The following NCBP3 variants were observed in gnomAD, a reference collection of about 807,000 sequenced individuals.
NCBP3 encodes the protein nuclear cap binding subunit 3.
A neutral mutation model predicts 75.7 loss-of-function variants in NCBP3; 20 were observed. The ratio of observed to expected loss-of-function variants is 0.26; its 90% CI spans 0.19 to 0.38. The LOEUF (loss-of-function observed/expected upper bound fraction) is 0.38, where lower values mean the gene tolerates loss of function less well. NCBP3 is among the 10% of genes least tolerant of loss of function. NCBP3 has a pLI of 1.00. For synonymous variants in NCBP3, 293 were observed against 290.5 expected (o/e 1.01, Z -0.09); for missense variants, 678 against 796.9 (o/e 0.85, Z 1.80).
At chr17:3,834,540 C>T (rs1301246693) in intron 3 of NCBP3, among the ~76,000 whole-genome samples, 2 of 152,182 alleles carry the variant, frequency 1.3e-5, no homozygotes, top group African/African-American at 4.8e-5. Context: ...CTTTGGAAGG[C>T]CGAGGCGGGC....
intron 3 of NCBP3, among the ~76,000 whole-genome samples, chr17:3,837,490 A>G (rs890521392): frequency 3.3e-5 from 3 of 91,622 alleles, no homozygotes; most frequent in East Asian, 2.4e-4. Flanking sequence ...GAAAGAGAGG[A>G]AAAAAAAAAT....
rs1484784057 is a variant in NCBP3 at position 3,807,157 on chromosome 17, A to G, written c.*5887T>C. ...GCTCTGCTCTTTTCACCTGCTCTGG[A>G]CTGCTCTCACTTTCCTCACCGACAG... is the stretch of plus-strand genomic sequence containing the variant. On this transcript the variant is annotated 3_prime_UTR_variant, in exon 13 of 13. Coordinates refer to ENST00000389005, the MANE Select transcript of NCBP3 (RefSeq NM_001114118.3). 1.3e-5 allele frequency: 2 copies of G among 152,232 alleles called. No individual in the cohort carries two copies. The highest frequency in any genetic ancestry group is 2.9e-5 in the Non-Finnish European group (2 of 68,046). The allele number at this position is 152,232 out of a possible 1,614,324, so 9.4% of individuals were successfully genotyped here. A position where few individuals can be genotyped will look rare whatever the true frequency, so the allele number is the denominator to read the frequency against.
At chr17:3,823,505 C>G (rs1194814774) in intron 7 of NCBP3, among the ~76,000 whole-genome samples, 1 of 152,162 alleles carries the variant, frequency 6.6e-6, no homozygotes, top group Non-Finnish European at 1.5e-5. Context: ...ATGACATAGT[C>G]AGAAAGGCAT....
At chr17:3,837,746 A>AG (rs1222506032) in intron 3 of NCBP3, among the ~76,000 whole-genome samples, 4 of 151,504 alleles carry the variant, frequency 2.6e-5, no homozygotes, top group Non-Finnish European at 4.4e-5. Context: ...AAAAAAAAAA[A>AG]AAAAGAAAAG....
intron 3 of NCBP3, 60 bp downstream of exon 3, chr17:3,840,040 G>T: frequency 7.5e-7 from 1 of 1,326,712 alleles, no homozygotes; most frequent in Non-Finnish European, 1.1e-6. Context: ...ATGAGGTGAT[G>T]GCAGGGAAAA....
intron 4 of NCBP3, 106 bp from the exon 5 acceptor site, chr17:3,826,321 T>C (rs2053782781): frequency 9.2e-7 from 1 of 1,089,654 alleles, no homozygotes. Flanking sequence ...TAGCAACAGA[T>C]TATCATCAGT....
chr17:3,829,170 C>T, intron 4 of NCBP3, 73 bp downstream of exon 4: 14 of 1,502,686 alleles, frequency 9.3e-6, no homozygotes, highest in Non-Finnish European at 1.3e-5. Flanking sequence ...GAACCATTCA[C>T]CATCTCTGAT....
Position 3,846,045 on chromosome 17 carries a change from A to T in NCBP3, c.179T>A (p.Ile60Asn). Reference sequence around the variant, plus strand: ...CCCCCCGACCCCCGCCCGTACCGGGATCAGTTCCTTGAGCGAGCGCCGCAC... The same window carrying T: ...CCCCCCGACCCCCGCCCGTACCGGGTTCAGTTCCTTGAGCGAGCGCCGCAC... ...VPVRRSLKEL[I>N]PDTSRRYENK... The change falls in exon 1 of 13, where the codon ATC becomes AAC. Residue 60 changes from isoleucine (I) to asparagine (N), a missense_variant. Ile to Asn is a moderately radical substitution (Grantham distance 149). Coordinates refer to ENST00000389005, the MANE Select transcript of NCBP3 (RefSeq NM_001114118.3). This position sits in a 1 kb window ranked among gnomAD's most constrained non-coding sequence, Gnocchi z 4.6. 2.6e-6 allele frequency: 4 copies of T among 1,546,620 alleles called. No individual in the cohort carries two copies. Among genetic ancestry groups the T allele is most frequent in the Non-Finnish European group, 3.5e-6 (4 of 1,144,896 alleles).
At chr17:3,845,506 G>T (rs911389686) in intron 1 of NCBP3, among the ~76,000 whole-genome samples, 1 of 152,092 alleles carries the variant, frequency 6.6e-6, no homozygotes, top group Non-Finnish European at 1.5e-5. Context: ...TGGAGCTGCG[G>T]GGGGGGCAAG....
At chr17:3,833,735 T>C (rs1597409545) in intron 3 of NCBP3, among the ~76,000 whole-genome samples, 1 of 152,320 alleles carries the variant, frequency 6.6e-6, no homozygotes, top group African/African-American at 2.4e-5. Flanking sequence ...TGTATGTAGG[T>C]TTTTTTAATG....
At chr17:3,832,444 C>G (rs1244378689) in intron 3 of NCBP3, among the ~76,000 whole-genome samples, 1 of 117,684 alleles carries the variant, frequency 8.5e-6, no homozygotes, top group Non-Finnish European at 2.0e-5. Context: ...TCCTGGCCAA[C>G]ACGGTGAAAC....
Position 3,808,208 on chromosome 17 carries a change from C to T in NCBP3, c.*4836G>A, listed in dbSNP as rs1334311469. 3.3e-5 allele frequency: 5 copies of T among 152,146 alleles called. No individual in the cohort carries two copies. Among genetic ancestry groups the T allele is most frequent in the Non-Finnish European group, 7.4e-5 (5 of 68,014 alleles). 9.4% of individuals were successfully genotyped at this position (152,146 alleles called of 1,614,324 possible). On this transcript the variant is annotated 3_prime_UTR_variant, in exon 13 of 13. Coordinates refer to ENST00000389005, the MANE Select transcript of NCBP3 (RefSeq NM_001114118.3). ...ACAAGTGATTTTTGCACAACACAGCCCTAACTGCAGGCCAATCACTTCACC... is the reference window on the plus strand; with the variant it reads ...ACAAGTGATTTTTGCACAACACAGCTCTAACTGCAGGCCAATCACTTCACC...
At chr17:3,840,282 A>T in intron 2 of NCBP3, 77 bp from the exon 3 acceptor site, 1 of 1,150,654 alleles carries the variant, frequency 8.7e-7, no homozygotes, top group Non-Finnish European at 1.3e-6. Flanking sequence ...ATGATGCATC[A>T]GTGACAAACC....
intron 1 of NCBP3, among the ~76,000 whole-genome samples, chr17:3,844,404 CT>C (rs111489718): frequency 0.036 from 5,491 of 152,232 alleles, 94 homozygotes; most frequent in East Asian, 0.045. Flanking sequence ...AGCCTCTGTG[CT>C]TGTTACTGGC....
intron 12 of NCBP3, among the ~76,000 whole-genome samples, chr17:3,813,927 T>C (rs2053475084): frequency 6.6e-6 from 1 of 152,074 alleles, no homozygotes; most frequent in Admixed American, 6.6e-5. Flanking sequence ...GCCTCCCAAA[T>C]TGCTGGGATT....
chr17:3,802,337 C>T lies in NCBP3; in HGVS notation c.*10707G>A, dbSNP rs550005255. The T allele has an allele frequency of 1.3e-5, 2 of 152,108 alleles. No individual in the cohort carries two copies. Among genetic ancestry groups the T allele is most frequent in the East Asian group, 1.9e-4 (1 of 5,180 alleles). 9.4% of individuals were successfully genotyped at this position (152,108 alleles called of 1,614,324 possible). ...TAAAAATCCATGTTATTTTGTTTCTCGCATTGAAAGGCTGCTTGGCTAAGG... is the reference window on the plus strand; with the variant it reads ...TAAAAATCCATGTTATTTTGTTTCTTGCATTGAAAGGCTGCTTGGCTAAGG... On this transcript the variant is annotated 3_prime_UTR_variant, in exon 13 of 13. Coordinates refer to ENST00000389005, the MANE Select transcript of NCBP3 (RefSeq NM_001114118.3).
chr17:3,817,669 A>C (rs549662537), intron 10 of NCBP3, among the ~76,000 whole-genome samples: 1 of 152,324 alleles, frequency 6.6e-6, no homozygotes, highest in African/African-American at 2.4e-5. Flanking sequence ...TTCTGGAAAA[A>C]AATAAAGCAA....
chr17:3,827,153 T>C (rs2053803675), intron 4 of NCBP3, among the ~76,000 whole-genome samples: 1 of 152,072 alleles, frequency 6.6e-6, no homozygotes, highest in Admixed American at 6.6e-5. Context: ...GTAAAATCTC[T>C]CTGATGAAAT....
At chr17:3,821,853 C>T in intron 8 of NCBP3, 100 bp downstream of exon 8, 1 of 727,754 alleles carries the variant, frequency 1.4e-6, no homozygotes, top group East Asian at 2.5e-5. Flanking sequence ...CTCTTGTTTT[C>T]CTTCCAGTTT....
Sources: allele counts gnomAD v4.1 joint callset (sites outside exome capture counted in the v4.1 genomes callset), GRCh38; gene constraint gnomAD v4.1.1; non-coding constraint Gnocchi (gnomAD v3.1); transcripts MANE v1.5; gene names NCBI Gene and HGNC (gene_info 2026-07-23, HGNC 2026-07-21).